IGF1: variants seen among roughly 807,000 people sequenced by gnomAD.
IGF1 encodes the protein insulin-like growth factor 1.
In IGF1, 4 loss-of-function variants were observed where a neutral mutation model predicts 13.8. That is an observed-to-expected ratio of 0.29 (90% CI 0.14 to 0.66). The LOEUF (loss-of-function observed/expected upper bound fraction) is 0.66, where lower values mean the gene tolerates loss of function less well. Ranked by LOEUF, IGF1 falls within the 30% of genes least tolerant of loss-of-function variation. The probability of loss-of-function intolerance (pLI) is 0.78; values close to 1 mark genes in which losing one functional copy is unlikely to be tolerated. For synonymous variants in IGF1, 76 were observed against 72.6 expected (o/e 1.05, Z -0.23); for missense variants, 124 against 188.5 (o/e 0.66, Z 2.00).
chr12:102,397,887 A>G lies in IGF1; in HGVS notation c.*4620T>C, dbSNP rs1476158782. The G allele has an allele frequency of 2.0e-5, 3 of 152,216 alleles. No individual in the cohort carries two copies. Among genetic ancestry groups the G allele is most frequent in the Non-Finnish European group, 4.4e-5 (3 of 68,022 alleles). The allele number at this position is 152,216 out of a possible 1,614,324, so 9.4% of individuals were successfully genotyped here. A position where few individuals can be genotyped will look rare whatever the true frequency, so the allele number is the denominator to read the frequency against. On this transcript the variant is annotated 3_prime_UTR_variant, in exon 4 of 4. Coordinates refer to ENST00000337514, the MANE Select transcript of IGF1 (RefSeq NM_000618.5). The stretch of plus-strand genomic sequence containing the variant: ...GGTTCTGCTCTAATAAATTAGCACA[A>G]TCTTTTAAGATTAAAAATAGCAAAA...
At chr12:102,423,617 G>A (rs1261645881) in intron 2 of IGF1, among the ~76,000 whole-genome samples, 1 of 152,152 alleles carries the variant, frequency 6.6e-6, no homozygotes, top group East Asian at 1.9e-4. Context: ...TTGGCCAACA[G>A]ACAGAATTCC....
Position 102,396,840 on chromosome 12 carries a change from C to A in IGF1, c.*5667G>T, listed in dbSNP as rs1873230467. 5.0e-6 allele frequency: 2 copies of A among 397,502 alleles called. No homozygotes were observed. The highest frequency in any genetic ancestry group is 6.3e-4 in the Middle Eastern group (1 of 1,580). The allele number at this position is 397,502 out of a possible 1,614,324, so 24.6% of individuals were successfully genotyped here. ...TTGGATTTTTTTCCCCTTGAAAGAC[C>A]CCATCAAAGATAGTTGAAGAATGAG... On this transcript the variant is annotated 3_prime_UTR_variant, in exon 4 of 4. Transcript: ENST00000337514.
chr12:102,441,795 T>A (rs1026595627), intron 2 of IGF1, among the ~76,000 whole-genome samples: 1 of 152,058 alleles, frequency 6.6e-6, no homozygotes, highest in African/African-American at 2.4e-5. Context: ...CAGTTGAAAA[T>A]ATTGAGCCAT....
chr12:102,429,521 A>C (rs1876551034), intron 2 of IGF1, among the ~76,000 whole-genome samples: 1 of 152,206 alleles, frequency 6.6e-6, no homozygotes, highest in Admixed American at 6.5e-5. Flanking sequence ...ATAAGGAAAA[A>C]GAAAAAGAGA....
At chr12:102,462,752 G>A (rs1880009155) in intron 2 of IGF1, 1 of 152,088 alleles carries the variant, frequency 6.6e-6, no homozygotes, top group African/African-American at 2.4e-5. Flanking sequence ...CAGAAAAGAA[G>A]GAATCTTTGG....
chr12:102,410,859 G>T (rs974905105), intron 3 of IGF1, among the ~76,000 whole-genome samples: 1 of 152,172 alleles, frequency 6.6e-6, no homozygotes, highest in Admixed American at 6.5e-5. Context: ...CTTTTAGGAT[G>T]AACAAAATAA....
intron 2 of IGF1, among the ~76,000 whole-genome samples, chr12:102,444,345 C>T (rs138625378): frequency 0.013 from 1,911 of 151,652 alleles, 75 homozygotes; most frequent in Admixed American, 0.086. Context: ...GTTCAGATTA[C>T]ATCAGTTTGG....
At chr12:102,480,220 A>C in intron 1 of IGF1, 99 bp downstream of exon 1, 1 of 1,193,662 alleles carries the variant, frequency 8.4e-7, no homozygotes, top group Non-Finnish European at 1.2e-6. Flanking sequence ...GTTCCGAAAC[A>C]ATGAAAATTT....
chr12:102,449,471 C>A (rs1259673215), intron 2 of IGF1, among the ~76,000 whole-genome samples: 1 of 151,864 alleles, frequency 6.6e-6, no homozygotes, highest in African/African-American at 2.4e-5. Context: ...TGCAGTAAAC[C>A]ACAATGGCAC....
chr12:102,405,260 G>A (rs1295522216), intron 3 of IGF1, among the ~76,000 whole-genome samples: 2 of 150,474 alleles, frequency 1.3e-5, no homozygotes, highest in East Asian at 3.9e-4. Context: ...CTAATTTTTT[G>A]TATTTTTAAT....
In IGF1 at chr12:102,418,030, T is replaced by G. The variant is rs1875317584; in HGVS notation, c.402+1479A>C. 3.1e-6 allele frequency: 5 copies of G among 1,603,296 alleles called. No individual in the cohort carries two copies. In the South Asian group the frequency reaches 3.4e-5, roughly 11 times the overall value. On this transcript the variant is annotated intron_variant, in intron 3 of 3. Transcript: ENST00000337514. The stretch of plus-strand genomic sequence containing the variant: ...TGTAAACATCACAAAAATAATTGCA[T>G]TGAGAACAAGTGGTTCCCATGGTGT...
chr12:102,417,608 G>A (rs754772148), intron 3 of IGF1: 469 of 1,242,006 alleles, frequency 3.8e-4, no homozygotes, highest in Non-Finnish European at 4.4e-4. Flanking sequence ...CTTTCTTTGC[G>A]CTTTCTAGGG....
At chr12:102,459,709 T>C (rs1879746488) in intron 2 of IGF1, among the ~76,000 whole-genome samples, 1 of 152,146 alleles carries the variant, frequency 6.6e-6, no homozygotes, top group African/African-American at 2.4e-5. Context: ...ATGTCTAAAT[T>C]TTTGAATGTT....
chr12:102,474,849 G>A (rs1880912808), intron 2 of IGF1, among the ~76,000 whole-genome samples: 1 of 152,212 alleles, frequency 6.6e-6, no homozygotes, highest in Non-Finnish European at 1.5e-5. Context: ...TTGCTTGTGT[G>A]TATTATTTAT....
At chr12:102,437,816 G>A (rs1291097787) in intron 2 of IGF1, among the ~76,000 whole-genome samples, 1 of 152,188 alleles carries the variant, frequency 6.6e-6, no homozygotes, top group African/African-American at 2.4e-5. Context: ...TGAGGTGATC[G>A]ATATGCTAAA....
At chr12:102,450,838 TG>T (rs1488413249) in intron 2 of IGF1, among the ~76,000 whole-genome samples, 1 of 152,208 alleles carries the variant, frequency 6.6e-6, no homozygotes, top group Non-Finnish European at 1.5e-5. Flanking sequence ...GGAAGGATCT[TG>T]GGTCATTTCT....
intron 2 of IGF1, among the ~76,000 whole-genome samples, chr12:102,433,024 T>G (rs957585750): frequency 1.3e-5 from 2 of 152,128 alleles, no homozygotes; most frequent in Non-Finnish European, 2.9e-5. Flanking sequence ...GTGGGAGAGT[T>G]TGCATCCTAA....
intron 1 of IGF1, among the ~76,000 whole-genome samples, chr12:102,478,196 G>A (rs1488835350): frequency 6.6e-6 from 1 of 150,986 alleles, no homozygotes; most frequent in Non-Finnish European, 1.5e-5. Flanking sequence ...GAAACAAGTG[G>A]TCCCATATGT....
chr12:102,425,388 T>C (rs575226958), intron 2 of IGF1, among the ~76,000 whole-genome samples: 1 of 152,202 alleles, frequency 6.6e-6, no homozygotes, highest in Non-Finnish European at 1.5e-5. Flanking sequence ...TACCTCTCAA[T>C]TGGACAAGGT....
Sources: allele counts gnomAD v4.1 joint callset (sites outside exome capture counted in the v4.1 genomes callset), GRCh38; gene constraint gnomAD v4.1.1; transcripts MANE v1.5; gene names NCBI Gene and HGNC (gene_info 2026-07-23, HGNC 2026-07-21).